EFL1: variants seen among roughly 807,000 people sequenced by gnomAD.
EFL1 encodes elongation factor-like GTPase 1.
EFL1 carries 76 observed loss-of-function variants against 126.7 expected under a neutral mutation model. The ratio of observed to expected loss-of-function variants is 0.60; its 90% CI spans 0.50 to 0.73. The LOEUF is 0.73. Among genes scored for constraint, EFL1 ranks in the 30% least tolerant of loss-of-function variants. EFL1 has a pLI of 0.00. For missense variants in EFL1, 1,128 were observed against 1,343.2 expected, an observed-to-expected ratio of 0.84 and a Z score of 2.50; for synonymous variants, 410 against 448.4, an observed-to-expected ratio of 0.91 and a Z score of 1.08.
At chr15:82,147,033 G>A (rs1488124152) in intron 18 of EFL1, among the ~76,000 whole-genome samples, 1 of 152,056 alleles carries the variant, frequency 6.6e-6, no homozygotes, top group African/African-American at 2.4e-5. Context: ...GCCGTGTCCA[G>A]GTGGTGATTT....
intron 15 of EFL1, among the ~76,000 whole-genome samples, chr15:82,188,752 C>T (rs960521765): frequency 6.6e-6 from 1 of 152,110 alleles, no homozygotes; most frequent in African/African-American, 2.4e-5. Context: ...TTAACCTGTT[C>T]ACATTAATAG....
At chr15:82,199,192 T>C (rs2074441062) in intron 15 of EFL1, among the ~76,000 whole-genome samples, 3 of 152,082 alleles carry the variant, frequency 2.0e-5, no homozygotes, top group South Asian at 4.1e-4. Flanking sequence ...GCTATGTCAA[T>C]GCAGGAAAAG....
chr15:82,145,028 G>C (rs968053101), intron 18 of EFL1, among the ~76,000 whole-genome samples: 3 of 151,660 alleles, frequency 2.0e-5, no homozygotes, highest in Non-Finnish European at 4.4e-5. Flanking sequence ...GCGAGGCCAG[G>C]CACGGTGGCT....
intron 15 of EFL1, among the ~76,000 whole-genome samples, chr15:82,170,982 G>A (rs537477108): frequency 6.6e-6 from 1 of 152,284 alleles, no homozygotes; most frequent in East Asian, 1.9e-4. Context: ...AACAATGCTG[G>A]AAATTTGTTT....
intron 14 of EFL1, among the ~76,000 whole-genome samples, chr15:82,215,976 C>T (rs560415283): frequency 2.0e-5 from 3 of 152,122 alleles, no homozygotes; most frequent in Non-Finnish European, 4.4e-5. Context: ...CACAATATGA[C>T]TGTCCACTTA....
intron 4 of EFL1, among the ~76,000 whole-genome samples, chr15:82,247,877 C>T (rs1370337439): frequency 2.0e-5 from 3 of 151,994 alleles, no homozygotes; most frequent in African/African-American, 4.8e-5. Flanking sequence ...ACCACAGGGA[C>T]GTAGGTAGTG....
intron 1 of EFL1, chr15:82,262,409 C>G (rs1367969438): frequency 1.2e-5 from 2 of 170,430 alleles, no homozygotes; most frequent in Non-Finnish European, 2.5e-5. Context: ...GTCCCAGATT[C>G]GTTCTCTTTG....
intron 7 of EFL1, among the ~76,000 whole-genome samples, chr15:82,232,378 T>C (rs2074831327): frequency 6.6e-6 from 1 of 152,230 alleles, no homozygotes; most frequent in African/African-American, 2.4e-5. Flanking sequence ...TCACCTGATA[T>C]AGGACCAATT....
At chr15:82,177,412 T>C (rs548369770) in intron 15 of EFL1, among the ~76,000 whole-genome samples, 19 of 152,338 alleles carry the variant, frequency 1.2e-4, no homozygotes, top group South Asian at 1.0e-3. Flanking sequence ...CCACATCCTC[T>C]AATGACTAAT....
intron 15 of EFL1, among the ~76,000 whole-genome samples, chr15:82,193,221 A>C (rs1025892797): frequency 6.6e-6 from 1 of 152,236 alleles, no homozygotes; most frequent in Non-Finnish European, 1.5e-5. Flanking sequence ...AAAATGGAAC[A>C]GTTAACTTAA....
In EFL1 at chr15:82,241,345, T is replaced by A; in HGVS notation, c.303A>T (p.Ser101=). Residue 101 remains serine (S), a synonymous_variant, in exon 5 of 20, where the codon TCA becomes TCT. Coordinates refer to ENST00000268206, the MANE Select transcript of EFL1 (RefSeq NM_024580.6). Reference sequence around the variant, plus strand: ...AAATGCGAACAGCGGTTGATACTTCTGAGGAAAAGTCCACGTGTCCTGGAG... The same window carrying A: ...AAATGCGAACAGCGGTTGATACTTCAGAGGAAAAGTCCACGTGTCCTGGAG... ...IDSPGHVDFS[S]EVSTAVRICD... The A allele has an allele frequency of 5.0e-6, 8 of 1,614,004 alleles. No homozygotes were observed. Among genetic ancestry groups the A allele is most frequent in the African/African-American group, 2.7e-5 (2 of 75,026 alleles).
intron 15 of EFL1, 106 bp downstream of exon 15, chr15:82,214,611 A>T (rs1263826942): frequency 3.5e-6 from 5 of 1,441,156 alleles, no homozygotes; most frequent in African/African-American, 1.5e-5. Flanking sequence ...AAATTATCAA[A>T]CTAAAGAATA....
chr15:82,172,177 C>T (rs976885355), intron 15 of EFL1, among the ~76,000 whole-genome samples: 1 of 151,854 alleles, frequency 6.6e-6, no homozygotes, highest in Admixed American at 6.6e-5. Flanking sequence ...CTGAAGAAAC[C>T]ACGTGCTGGC....
At chr15:82,214,881 C>A in intron 14 of EFL1, 26 bp from the exon 15 acceptor site, 1 of 1,595,948 alleles carries the variant, frequency 6.3e-7, no homozygotes, top group Non-Finnish European at 8.5e-7. Flanking sequence ...TGATGGAAGA[C>A]AAGTTAGGAG....
At chr15:82,154,193 C>A (rs904808592) in intron 17 of EFL1, among the ~76,000 whole-genome samples, 2 of 152,156 alleles carry the variant, frequency 1.3e-5, no homozygotes, top group Admixed American at 6.5e-5. Context: ...ACCAAAGGTT[C>A]TTTAAGTCCT....
At chr15:82,145,768 G>A (rs966214897) in intron 18 of EFL1, among the ~76,000 whole-genome samples, 10 of 151,238 alleles carry the variant, frequency 6.6e-5, no homozygotes, top group African/African-American at 2.2e-4. Context: ...CCAGGGGAGC[G>A]GAGGTTGCAG....
intron 16 of EFL1, among the ~76,000 whole-genome samples, chr15:82,160,926 T>C (rs1293582671): frequency 2.0e-5 from 3 of 152,156 alleles, no homozygotes; most frequent in Admixed American, 2.0e-4. Context: ...CAATGTAAAA[T>C]CCTTAGTACA....
At chr15:82,147,273 A>C (rs1255726272) in intron 18 of EFL1, among the ~76,000 whole-genome samples, 2 of 152,204 alleles carry the variant, frequency 1.3e-5, no homozygotes, top group Admixed American at 1.3e-4. Flanking sequence ...GGGAGGAAAT[A>C]CATGTTCCCA....
chr15:82,154,578 T>G lies in EFL1; in HGVS notation c.2031-2155A>C, dbSNP rs140345766. Among the ~76,000 whole-genome samples the G allele has an allele frequency of 2.2e-4, 34 of 152,306 alleles. 1 individual carries two copies. Among genetic ancestry groups the G allele is most frequent in the East Asian group, 9.6e-4 (5 of 5,184 alleles). ...TGATCTATGATAACTTACCTCAAAG[T>G]GAACACCCATGTAAACTACATGGTA... On this transcript the variant is annotated intron_variant, in intron 17 of 19. Transcript: ENST00000268206.
Sources: gnomAD v4.1 joint callset for allele counts (sites outside exome capture counted in the v4.1 genomes callset) on GRCh38, gnomAD v4.1.1 for gene constraint, MANE v1.5 for transcripts, NCBI Gene and HGNC (gene_info 2026-07-23, HGNC 2026-07-21) for gene names.